The following PRKAA1 variants were observed in gnomAD, a reference collection of about 807,000 sequenced individuals.
The protein encoded by PRKAA1 is protein kinase AMP-activated catalytic subunit alpha 1.
In PRKAA1, 23 loss-of-function variants were observed where a neutral mutation model predicts 56.9. The observed-to-expected ratio is 0.40, with a 90% confidence interval of 0.29 to 0.57. The LOEUF (loss-of-function observed/expected upper bound fraction) is 0.57. PRKAA1 is among the 20% of genes least tolerant of loss of function. The pLI is 0.39. For synonymous variants in PRKAA1, 226 were observed against 227.0 expected, an observed-to-expected ratio of 1.00 and a Z score of 0.04; for missense variants, 413 against 679.7, an observed-to-expected ratio of 0.61 and a Z score of 4.36.
intron 3 of PRKAA1, among the ~76,000 whole-genome samples, chr5:40,773,744 T>C (rs898924950): frequency 1.3e-5 from 2 of 152,136 alleles, no homozygotes; most frequent in Non-Finnish European, 2.9e-5. Flanking sequence ...CTGCTCAAGG[T>C]AGAAGTGAGA....
chr5:40,770,450 A>G (rs1361934402), intron 4 of PRKAA1, among the ~76,000 whole-genome samples: 1 of 152,076 alleles, frequency 6.6e-6, no homozygotes, highest in Non-Finnish European at 1.5e-5. Flanking sequence ...GACAGAGTGA[A>G]ACTCTGTCTC....
At chr5:40,768,836 T>G (rs1743592056) in intron 5 of PRKAA1, 1 of 1,509,196 alleles carries the variant, frequency 6.6e-7, no homozygotes. Context: ...ATTCTCCTGT[T>G]TTCCAAACTA....
At chr5:40,785,325 C>T (rs1299455101) in intron 1 of PRKAA1, among the ~76,000 whole-genome samples, 2 of 151,984 alleles carry the variant, frequency 1.3e-5, no homozygotes, top group Admixed American at 1.3e-4. Flanking sequence ...CTGCAACCTC[C>T]GCCTCCTGGG....
chr5:40,776,282 T>A (rs1411952301), intron 2 of PRKAA1, among the ~76,000 whole-genome samples: 1 of 152,192 alleles, frequency 6.6e-6, no homozygotes, highest in Admixed American at 6.5e-5. Flanking sequence ...TTAAAAATGG[T>A]TCCTAAGTTT....
intron 1 of PRKAA1, among the ~76,000 whole-genome samples, chr5:40,778,790 T>A (rs1054803067): frequency 1.5e-5 from 2 of 137,800 alleles, no homozygotes; most frequent in African/African-American, 5.4e-5. Flanking sequence ...TTTTTTTTTT[T>A]TTTTTTTTTT....
intron 1 of PRKAA1, among the ~76,000 whole-genome samples, chr5:40,785,837 C>CAG (rs70988809): frequency 0.2 from 10,119 of 50,744 alleles, 424 homozygotes; most frequent in Non-Finnish European, 0.27. Context: ...CACACACACA[C>CAG]ACAGAGAGAG....
intron 1 of PRKAA1, among the ~76,000 whole-genome samples, chr5:40,790,571 C>T (rs1744678618): frequency 6.7e-6 from 1 of 149,214 alleles, no homozygotes; most frequent in Non-Finnish European, 1.5e-5. Flanking sequence ...GATGGAGCCT[C>T]GCTCTGTCGC....
chr5:40,770,309 A>G (rs1743675189), intron 4 of PRKAA1, among the ~76,000 whole-genome samples: 1 of 152,042 alleles, frequency 6.6e-6, no homozygotes, highest in Non-Finnish European at 1.5e-5. Context: ...CCAAAAATTA[A>G]AAAAAACATA....
chr5:40,783,882 T>G (rs1057199169), intron 1 of PRKAA1, among the ~76,000 whole-genome samples: 2 of 152,162 alleles, frequency 1.3e-5, no homozygotes, highest in South Asian at 4.1e-4. Flanking sequence ...GAAAGCAGTA[T>G]GTATACAAAG....
At chr5:40,780,733 T>C (rs1205114526) in intron 1 of PRKAA1, among the ~76,000 whole-genome samples, 1 of 152,092 alleles carries the variant, frequency 6.6e-6, no homozygotes, top group Non-Finnish European at 1.5e-5. Flanking sequence ...AGAAGAAAAG[T>C]CCGTTCCAGC....
At position 40,762,730 on chromosome 5, in the gene PRKAA1, T is replaced by A. The variant is rs532628920; in HGVS notation, c.*48A>T. The A allele has an allele frequency of 6.2e-7, 1 of 1,601,760 alleles. No individual in the cohort carries two copies. The highest frequency in any genetic ancestry group is 1.1e-5 in the South Asian group (1 of 89,746). Reference sequence around the variant, plus strand: ...ACAAATGGAAGCATTTGGCTGTGACTTATTATGCATGCTTATTGCTGCAAA... The same window carrying A: ...ACAAATGGAAGCATTTGGCTGTGACATATTATGCATGCTTATTGCTGCAAA... On this transcript the variant is annotated 3_prime_UTR_variant, in exon 9 of 9. Transcript: ENST00000397128.
chr5:40,774,962 A>T, intron 3 of PRKAA1: 2 of 1,605,100 alleles, frequency 1.2e-6, no homozygotes, highest in Non-Finnish European at 1.7e-6. Context: ...TACTCCAGGT[A>T]CATCAGATTT....
chr5:40,791,867 A>G (rs917394433), intron 1 of PRKAA1, among the ~76,000 whole-genome samples: 2 of 152,228 alleles, frequency 1.3e-5, no homozygotes, highest in Non-Finnish European at 2.9e-5. Context: ...ATCTGTCCTC[A>G]GAAGTAACCA....
At chr5:40,786,601 A>C (rs557109398) in intron 1 of PRKAA1, among the ~76,000 whole-genome samples, 1 of 151,818 alleles carries the variant, frequency 6.6e-6, no homozygotes, top group South Asian at 2.1e-4. Context: ...ATTAGAAGAC[A>C]GGCCACTGGA....
intron 3 of PRKAA1, among the ~76,000 whole-genome samples, chr5:40,772,155 A>G (rs1579724876): frequency 6.6e-6 from 1 of 152,204 alleles, no homozygotes; most frequent in African/African-American, 2.4e-5. Flanking sequence ...AATAATTTCA[A>G]TATCTACTTG....
chr5:40,767,813 T>C (rs1743536382), intron 5 of PRKAA1, 123 bp from the exon 6 acceptor site: 2 of 763,728 alleles, frequency 2.6e-6, no homozygotes, highest in Admixed American at 3.0e-5. Flanking sequence ...TTATAGCCAC[T>C]ACTACATGTT....
chr5:40,772,192 C>T (rs1005060285), intron 3 of PRKAA1, among the ~76,000 whole-genome samples: 5 of 152,110 alleles, frequency 3.3e-5, no homozygotes, highest in East Asian at 3.8e-4. Flanking sequence ...CTTTTATAAG[C>T]GGCAAATGTT....
intron 3 of PRKAA1, among the ~76,000 whole-genome samples, chr5:40,772,487 T>C (rs751430912): frequency 6.6e-6 from 1 of 152,096 alleles, no homozygotes; most frequent in East Asian, 1.9e-4. Context: ...TGTCCTAAAA[T>C]AGAAGACATT....
chr5:40,769,155 T>A (rs1743607004), intron 5 of PRKAA1, among the ~76,000 whole-genome samples: 1 of 152,184 alleles, frequency 6.6e-6, no homozygotes, highest in South Asian at 2.1e-4. Flanking sequence ...GTTTCCAGTG[T>A]CTTACCTACT....
Sources: allele counts gnomAD v4.1 joint callset (sites outside exome capture counted in the v4.1 genomes callset), GRCh38; gene constraint gnomAD v4.1.1; transcripts MANE v1.5; gene names NCBI Gene and HGNC (gene_info 2026-07-23, HGNC 2026-07-21).